Variants in LRRTM4 observed in about 807,000 individuals in gnomAD.
LRRTM4 encodes the protein leucine-rich repeat transmembrane neuronal protein 4.
LRRTM4 carries 25 observed loss-of-function variants against 47.6 expected under a neutral mutation model. The observed-to-expected ratio is 0.53, with a 90% CI of 0.38 to 0.73. The LOEUF is 0.73. Among genes scored for constraint, LRRTM4 ranks in the 30% least tolerant of loss-of-function variants. The pLI, the probability that LRRTM4 is intolerant of heterozygous loss-of-function variation, is 0.00. For missense variants in LRRTM4, 638 were observed against 713.4 expected (o/e 0.89, Z 1.20); for synonymous variants, 311 against 269.5 (o/e 1.15, Z -1.51).
At chr2:77,160,502 T>A (rs78885903) in intron 3 of LRRTM4, among the ~76,000 whole-genome samples, 57 of 149,304 alleles carry the variant, frequency 3.8e-4, no homozygotes, top group African/African-American at 1.1e-3. Context: ...GTTTAATATT[T>A]AAAAAAAAAA....
chr2:76,901,127 G>C (rs1673615636), intron 3 of LRRTM4, among the ~76,000 whole-genome samples: 1 of 152,058 alleles, frequency 6.6e-6, no homozygotes, highest in Admixed American at 6.6e-5. Flanking sequence ...ATGGTGGTTT[G>C]CTGCACCTAT....
intron 3 of LRRTM4, among the ~76,000 whole-genome samples, chr2:77,027,340 C>T (rs920677784): frequency 1.3e-5 from 2 of 152,112 alleles, no homozygotes; most frequent in Non-Finnish European, 2.9e-5. Flanking sequence ...AAAAAAAGAA[C>T]TCATAAATGC....
chr2:77,186,956 C>T (rs775267828), intron 3 of LRRTM4, among the ~76,000 whole-genome samples: 26 of 152,230 alleles, frequency 1.7e-4, no homozygotes, highest in African/African-American at 4.6e-4. Context: ...GATTAAAAGA[C>T]GAACTAGGGC....
At chr2:77,399,442 T>C (rs1673849921) in intron 3 of LRRTM4, among the ~76,000 whole-genome samples, 1 of 151,730 alleles carries the variant, frequency 6.6e-6, no homozygotes, top group African/African-American at 2.4e-5. Flanking sequence ...CTCATAAAAA[T>C]AGAGAGCAGA....
chr2:77,505,132 G>T (rs902936385), intron 3 of LRRTM4, among the ~76,000 whole-genome samples: 2 of 150,888 alleles, frequency 1.3e-5, no homozygotes, highest in East Asian at 3.9e-4. Context: ...AAGCGCAATA[G>T]GAGCTGATCT....
chr2:76,908,734 C>T (rs1161619630), intron 3 of LRRTM4, among the ~76,000 whole-genome samples: 7 of 152,022 alleles, frequency 4.6e-5, no homozygotes, highest in Non-Finnish European at 1.0e-4. Flanking sequence ...GAGTGAACTC[C>T]CATTCACAAT....
chr2:77,124,325 T>G (rs570476835), intron 3 of LRRTM4, among the ~76,000 whole-genome samples: 1 of 151,998 alleles, frequency 6.6e-6, no homozygotes, highest in Non-Finnish European at 1.5e-5. Context: ...CCAAGTTAAA[T>G]ACACACAGGA....
chr2:76,929,131 G>A (rs1674683096), intron 3 of LRRTM4, among the ~76,000 whole-genome samples: 1 of 152,136 alleles, frequency 6.6e-6, no homozygotes, highest in Non-Finnish European at 1.5e-5. Flanking sequence ...TACAAGCTCA[G>A]CCTCTCAGGA....
chr2:77,308,881 C>T (rs934272990), intron 3 of LRRTM4, among the ~76,000 whole-genome samples: 1 of 151,902 alleles, frequency 6.6e-6, no homozygotes, highest in African/African-American at 2.4e-5. Flanking sequence ...AAGCAAACTC[C>T]ACGTCTCTGT....
intron 3 of LRRTM4, among the ~76,000 whole-genome samples, chr2:77,130,856 A>T: frequency 4.0e-5 from 1 of 24,856 alleles, no homozygotes; most frequent in African/African-American, 1.7e-4. Flanking sequence ...TTTTTTTGAG[A>T]CGGAGTCTCG....
intron 3 of LRRTM4, among the ~76,000 whole-genome samples, chr2:77,049,122 T>TATATATATATATACATATATATATATA (rs34587249): frequency 1.6e-5 from 1 of 62,698 alleles, no homozygotes; most frequent in African/African-American, 8.8e-5. Context: ...ATTTCATTTT[T>TATATATATATATACATATATATATATA]TATATATATA....
At chr2:76,914,993 A>C (rs1197280397) in intron 3 of LRRTM4, among the ~76,000 whole-genome samples, 4 of 152,260 alleles carry the variant, frequency 2.6e-5, no homozygotes, top group Non-Finnish European at 5.9e-5. Flanking sequence ...TGAGGTACGC[A>C]GAAAGAAATA....
At chr2:77,412,564 A>T (rs1417892750) in intron 3 of LRRTM4, among the ~76,000 whole-genome samples, 2 of 152,240 alleles carry the variant, frequency 1.3e-5, no homozygotes, top group African/African-American at 4.8e-5. Context: ...GCTTGGAATC[A>T]TGTCTGTCTG....
chr2:77,002,435 T>C (rs532969467), intron 3 of LRRTM4, among the ~76,000 whole-genome samples: 6 of 152,250 alleles, frequency 3.9e-5, no homozygotes, highest in Admixed American at 3.9e-4. Context: ...CATTTTCAAA[T>C]AAATAGTATA....
chr2:76,954,274 A>G (rs1675597364), intron 3 of LRRTM4, among the ~76,000 whole-genome samples: 1 of 151,970 alleles, frequency 6.6e-6, no homozygotes, highest in Non-Finnish European at 1.5e-5. Context: ...AAAGAATTCA[A>G]AATAACCATC....
At position 77,090,892 on chromosome 2, in the gene LRRTM4, G is replaced by C. The variant is rs533721397; in HGVS notation, c.1552-341976C>G. Among the ~76,000 whole-genome samples the C allele has an allele frequency of 8.7e-4, 133 of 152,128 alleles. No homozygotes were observed. In the Middle Eastern group the frequency reaches 0.01, roughly 12 times the overall value. On this transcript the variant is annotated intron_variant, in intron 3 of 3. Transcript: ENST00000409884. ...AGCCCCCTAGACCATCACGGACGCC[G>C]AGCTTCAGGTAACTCTCACAGTGGA... is the stretch of plus-strand genomic sequence containing the variant.
intron 3 of LRRTM4, among the ~76,000 whole-genome samples, chr2:76,958,783 G>T (rs1271821387): frequency 6.6e-6 from 1 of 151,704 alleles, no homozygotes. Flanking sequence ...CATAAAGTGT[G>T]TACAACAAAA....
intron 3 of LRRTM4, among the ~76,000 whole-genome samples, chr2:77,255,196 G>A (rs377048669): frequency 6.6e-6 from 1 of 152,060 alleles, no homozygotes; most frequent in East Asian, 1.9e-4. Flanking sequence ...ATTACATAGC[G>A]ATAAAAGGGC....
At chr2:77,283,350 A>T (rs555917069) in intron 3 of LRRTM4, among the ~76,000 whole-genome samples, 81 of 152,192 alleles carry the variant, frequency 5.3e-4, no homozygotes, top group Non-Finnish European at 8.5e-4. Context: ...GCTGCAGAGA[A>T]AAGAAAACAC....
Sources: allele counts gnomAD v4.1 joint callset (sites outside exome capture counted in the v4.1 genomes callset), GRCh38; gene constraint gnomAD v4.1.1; transcripts MANE v1.5; gene names NCBI Gene and HGNC (gene_info 2026-07-23, HGNC 2026-07-21).